Variants in MRPL20 observed in about 807,000 individuals in gnomAD.
MRPL20 encodes the protein large ribosomal subunit protein bL20m.
Under a neutral mutation model 20.0 loss-of-function variants are expected in MRPL20, and 21 were observed. The observed-to-expected ratio is 1.05, with a 90% CI of 0.74 to 1.51. MRPL20 has a LOEUF of 1.51. MRPL20 is among the 40% of genes most tolerant of loss of function. The pLI is 0.00. For missense variants in MRPL20, 252 were observed against 185.6 expected, an observed-to-expected ratio of 1.36 and a Z score of -2.08; for synonymous variants, 104 against 73.0, an observed-to-expected ratio of 1.43 and a Z score of -2.17.
rs1008215838 is a variant in MRPL20 at position 1,402,261 on chromosome 1, A to G, written c.277-5T>C. ...CCTGTTGAGCTCCACCTGGCACTGAAAAAAGAATGAATCAGAACCTGCTGT... is the reference window on the plus strand; with the variant it reads ...CCTGTTGAGCTCCACCTGGCACTGAGAAAAGAATGAATCAGAACCTGCTGT... On this transcript the variant is annotated splice_polypyrimidine_tract_variant and splice_region_variant and intron_variant, in intron 3 of 3. Coordinates refer to ENST00000344843, the MANE Select transcript of MRPL20 (RefSeq NM_017971.4). The G allele has an allele frequency of 6.2e-7, 1 of 1,604,396 alleles. No homozygotes were observed. The highest frequency in any genetic ancestry group is 1.3e-5 in the African/African-American group (1 of 74,360).
At chr1:1,402,478 G>C in intron 3 of MRPL20, 2 of 1,307,396 alleles carry the variant, frequency 1.5e-6, no homozygotes, top group Non-Finnish European at 1.9e-6. Context: ...AATCTGCAGG[G>C]AGGCTGGACT....
intron 3 of MRPL20, among the ~76,000 whole-genome samples, chr1:1,404,504 C>CT (rs923907663): frequency 0.014 from 1,981 of 142,774 alleles, 41 homozygotes; most frequent in African/African-American, 0.037. Flanking sequence ...TTTTTCTACA[C>CT]TTTTTTTTTT....
intron 3 of MRPL20, among the ~76,000 whole-genome samples, chr1:1,403,697 A>G (rs971499179): frequency 2.0e-5 from 3 of 152,112 alleles, no homozygotes; most frequent in African/African-American, 7.2e-5. Context: ...GTACACAAGC[A>G]GAGGGACTAG....
At position 1,407,142 on chromosome 1, in the gene MRPL20, T is replaced by A; in HGVS notation, c.76A>T (p.Lys26Ter). 1.2e-6 allele frequency: 2 copies of A among 1,607,716 alleles called. No homozygotes were observed. Among genetic ancestry groups the A allele is most frequent in the Non-Finnish European group, 1.7e-6 (2 of 1,177,036 alleles). ...DRYFRIQEVL[K>*]HARHFRGRKN... ...CAGGCGGCACTCACCCTGGCGTGCT[T>A]CAGCACCTCCTGGATCCGAAAGTAG... The change falls in exon 1 of 4, where the codon AAG (lysine) becomes TAG (stop). Residue 26 changes from lysine (K) to a stop codon, truncating the protein, a stop_gained. Transcript: ENST00000344843. LOFTEE classifies it high-confidence loss of function.
At chr1:1,403,793 T>C (rs1645356093) in intron 3 of MRPL20, among the ~76,000 whole-genome samples, 1 of 152,234 alleles carries the variant, frequency 6.6e-6, no homozygotes, top group Admixed American at 6.5e-5. Flanking sequence ...CCTTCCTTTC[T>C]GTAAGTTCCT....
chr1:1,405,528 T>A, intron 3 of MRPL20: 1 of 624,214 alleles, frequency 1.6e-6, no homozygotes, highest in Non-Finnish European at 2.9e-6. Context: ...TCATCACTCA[T>A]CAACATGGGA....
intron 2 of MRPL20, chr1:1,406,636 G>T (rs977651955): frequency 2.0e-6 from 1 of 498,846 alleles, no homozygotes; most frequent in Non-Finnish European, 3.7e-6. Context: ...GACTAGGGCG[G>T]TGGCTGGCGA....
rs1401475569 is a variant in MRPL20 at position 1,406,999 on chromosome 1, A to C, written c.108T>G (p.Asn36Lys). 1.2e-6 allele frequency: 2 copies of C among 1,613,576 alleles called. No homozygotes were observed. Among genetic ancestry groups the C allele is most frequent in the South Asian group, 2.2e-5 (2 of 91,082 alleles). ...TTCTGACCGCCAACCTGTAGCAGCG[A>C]TTTTTCCTTCCCCGGAAGTGCTGGG... ...KHARHFRGRK[N>K]RCYRLAVRTV... Residue 36 changes from asparagine to lysine, a missense_variant, in exon 2 of 4, where the codon AAT becomes AAG. By Grantham distance (94) the Asn-to-Lys change is moderately conservative. Coordinates refer to ENST00000344843, the MANE Select transcript of MRPL20 (RefSeq NM_017971.4).
rs576512910 is a variant in MRPL20 at position 1,402,021 on chromosome 1, G to T, written c.*62C>A. 15 of 1,546,546 alleles carry T rather than the reference G, an allele frequency of 9.7e-6. No homozygotes were observed. Among genetic ancestry groups the T allele is most frequent in the Non-Finnish European group, 1.2e-5 (14 of 1,141,128 alleles). Reference sequence around the variant, plus strand: ...GTTATTGGGTTGTAGATAAACAAAAGTATAAATCAAACAAACTGCAAATTA... The same window carrying T: ...GTTATTGGGTTGTAGATAAACAAAATTATAAATCAAACAAACTGCAAATTA... On this transcript the variant is annotated 3_prime_UTR_variant, in exon 4 of 4. Transcript: ENST00000344843.
intron 3 of MRPL20, among the ~76,000 whole-genome samples, chr1:1,403,372 T>G (rs370119464): frequency 1.3e-5 from 2 of 151,878 alleles, no homozygotes; most frequent in South Asian, 2.1e-4. Flanking sequence ...GCCTCACAAG[T>G]AGCTGGGACT....
intron 2 of MRPL20, 196 bp downstream of exon 2, chr1:1,406,713 G>A (rs1645387837): frequency 1.6e-6 from 1 of 611,378 alleles, no homozygotes; most frequent in East Asian, 2.8e-5. Context: ...GGGTGACAGT[G>A]GGGGTGGCGG....
intron 2 of MRPL20, 128 bp downstream of exon 2, chr1:1,406,781 G>T: frequency 1.2e-6 from 1 of 807,172 alleles, no homozygotes; most frequent in Non-Finnish European, 2.1e-6. Flanking sequence ...ATTTGTCGGA[G>T]TTTCGAAGCA....
In MRPL20 at chr1:1,407,223, C is replaced by T. The variant is rs374445421; in HGVS notation, c.-6G>A. On this transcript the variant is annotated 5_prime_UTR_variant, in exon 1 of 4. Transcript: ENST00000344843. ...TGCGCGGTGAGGAAGACCATGGCGC[C>T]TGCAGGCCGGCGTCCCGAACACTCA... is the stretch of plus-strand genomic sequence containing the variant. 148 of 1,593,516 alleles carry T rather than the reference C, an allele frequency of 9.3e-5. No individual in the cohort carries two copies. In the African/African-American group the frequency reaches 1.5e-3, roughly 16 times the overall value.
At position 1,406,821 on chromosome 1, in the gene MRPL20, C is replaced by T; in HGVS notation, c.198+88G>A. 6 of 1,127,852 alleles carry T rather than the reference C, an allele frequency of 5.3e-6. 1 individual carries two copies. Among genetic ancestry groups the T allele is most frequent in the South Asian group, 2.5e-5 (2 of 81,072 alleles). 69.9% of individuals were successfully genotyped at this position (1,127,852 alleles called of 1,614,324 possible). A position where few individuals can be genotyped will look rare whatever the true frequency, so the allele number is the denominator to read the frequency against. On this transcript the variant is annotated intron_variant, in intron 2 of 3. Transcript: ENST00000344843. ...ATGAAAGGAAGGGGCTGAGGGTGGCCGGGCGGCTGCACACTAGCTGGGTCG... is the reference window on the plus strand; with the variant it reads ...ATGAAAGGAAGGGGCTGAGGGTGGCTGGGCGGCTGCACACTAGCTGGGTCG...
chr1:1,402,546 C>T (rs1463141201), intron 3 of MRPL20: 9 of 1,156,932 alleles, frequency 7.8e-6, no homozygotes, highest in Non-Finnish European at 9.6e-6. Context: ...TTGGTCACCA[C>T]CCTGACTGAG....
chr1:1,404,798 A>G (rs1557750669), intron 3 of MRPL20, among the ~76,000 whole-genome samples: 2 of 151,960 alleles, frequency 1.3e-5, no homozygotes. Context: ...TAATGGGGAA[A>G]CATCAGGACT....
At position 1,406,884 on chromosome 1, in the gene MRPL20, G is replaced by A. The variant is rs771901871; in HGVS notation, c.198+25C>T. 3.8e-6 allele frequency: 6 copies of A among 1,593,732 alleles called. No individual in the cohort carries two copies. The African/African-American group carries it at 5.4e-5, about 14-fold the overall frequency. The stretch of plus-strand genomic sequence containing the variant: ...GCAGGGGCCGCGAGTGCGCTGGCCG[G>A]CGGGTGTCCCGGGTCCACGCTTACG... On this transcript the variant is annotated intron_variant, in intron 2 of 3. Coordinates refer to ENST00000344843, the MANE Select transcript of MRPL20 (RefSeq NM_017971.4).
Position 1,402,116 on chromosome 1 carries a change from T to C in MRPL20, c.417A>G (p.Glu139=). The change falls in exon 4 of 4, where the codon GAA becomes GAG. Residue 139 remains glutamate (E), a synonymous_variant. Transcript: ENST00000344843. ...ACTGCACCACTCTGGAAAAAATGCC[T>C]TCAGGTTCCTTCCCATCCCCCAAGG... The part of the protein sequence containing the change: ...AAALGDGKEP[E]GIFSRVVQYH 2 of 1,614,150 alleles carry C rather than the reference T, an allele frequency of 1.2e-6. No homozygotes were observed. Among genetic ancestry groups the C allele is most frequent in the Non-Finnish European group, 1.7e-6 (2 of 1,180,022 alleles).
chr1:1,402,944 C>T (rs146480127), intron 3 of MRPL20, among the ~76,000 whole-genome samples: 12,061 of 151,964 alleles, frequency 0.079, 913 homozygotes, highest in African/African-American at 0.2. Flanking sequence ...CTGGCTAACA[C>T]GGTGAAACCC....
Sources: allele counts gnomAD v4.1 joint callset (sites outside exome capture counted in the v4.1 genomes callset), GRCh38; gene constraint gnomAD v4.1.1; transcripts MANE v1.5; gene names NCBI Gene and HGNC (gene_info 2026-07-23, HGNC 2026-07-21).